ATXN2: variants seen among roughly 807,000 people sequenced by gnomAD.
The protein encoded by ATXN2 is ataxin-2.
Under a neutral mutation model 138.6 loss-of-function variants are expected in ATXN2, and 37 were observed. The observed-to-expected ratio is 0.27, with a 90% CI of 0.21 to 0.35. The LOEUF is 0.35. ATXN2 is among the 10% of genes least tolerant of loss of function. The pLI is 1.00. For missense variants in ATXN2, 1,216 were observed against 1,480.3 expected, an observed-to-expected ratio of 0.82 and a Z score of 2.93; for synonymous variants, 549 against 543.7, an observed-to-expected ratio of 1.01 and a Z score of -0.13.
At chr12:111,488,324 T>G in intron 15 of ATXN2, 152 bp downstream of exon 15, 1 of 708,994 alleles carries the variant, frequency 1.4e-6, no homozygotes, top group Non-Finnish European at 2.2e-6. Context: ...TAAGATGTCA[T>G]TTGTTTGGAC....
chr12:111,573,433 C>A (rs1000895227), intron 1 of ATXN2, among the ~76,000 whole-genome samples: 2 of 151,752 alleles, frequency 1.3e-5, no homozygotes, highest in Non-Finnish European at 2.9e-5. Context: ...TGACCTCAGG[C>A]GATCCACACG....
intron 18 of ATXN2, chr12:111,479,208 G>C (rs979642871): frequency 3.2e-6 from 1 of 310,712 alleles, no homozygotes; most frequent in Non-Finnish European, 5.8e-6. Context: ...ACTAGTAATG[G>C]GTAAATTAAC....
rs1229662110 is a variant in ATXN2, at chr12:111,455,931, C to T, written c.3270+98G>A. On this transcript the variant is annotated intron_variant, in intron 23 of 24. Coordinates refer to ENST00000673436, the MANE Select transcript of ATXN2 (RefSeq NM_001372574.1). ...AAAGGGAGACAGGCAAATGGCATGACACACAGGGTTTCCTAGCTGGGAGAG... is the reference window on the plus strand; with the variant it reads ...AAAGGGAGACAGGCAAATGGCATGATACACAGGGTTTCCTAGCTGGGAGAG... 6 of 1,154,826 alleles carry T rather than the reference C, an allele frequency of 5.2e-6. No homozygotes were observed. In the Admixed American group the frequency reaches 8.5e-5, roughly 16 times the overall value. 71.5% of individuals were successfully genotyped at this position (1,154,826 alleles called of 1,614,324 possible). A position where few individuals can be genotyped will look rare whatever the true frequency, so the allele number is the denominator to read the frequency against.
chr12:111,554,227 TAAA>T lies in ATXN2; in HGVS notation c.289-13_289-11del, dbSNP rs144235483. The stretch of plus-strand genomic sequence containing the variant: ...TTCCATCAAAAGAAATCTGGAATAT[TAAA>T]AAAAAAAAAAACTATTAGAAATTAG... On this transcript the variant is annotated splice_polypyrimidine_tract_variant and intron_variant, in intron 2 of 24. Transcript: ENST00000673436. 36 of 1,126,226 alleles carry T rather than the reference TAAA, an allele frequency of 3.2e-5. No individual in the cohort carries two copies. Among genetic ancestry groups the T allele is most frequent in the Admixed American group, 1.0e-4 (3 of 28,802 alleles). The allele number at this position is 1,126,226 out of a possible 1,614,324, so 69.8% of individuals were successfully genotyped here. A position where few individuals can be genotyped will look rare whatever the true frequency, so the allele number is the denominator to read the frequency against.
chr12:111,467,692 CTTTGT>C (rs1276049093), intron 20 of ATXN2, among the ~76,000 whole-genome samples: 4 of 152,128 alleles, frequency 2.6e-5, no homozygotes, highest in East Asian at 3.8e-4. Flanking sequence ...AGATCTAGTG[CTTTGT>C]TTTGTTTGCA....
At chr12:111,479,306 A>C (rs1170676029) in intron 18 of ATXN2, among the ~76,000 whole-genome samples, 1 of 149,746 alleles carries the variant, frequency 6.7e-6, no homozygotes, top group African/African-American at 2.5e-5. Context: ...TAATCCCAGC[A>C]CTTTGGGAGG....
At chr12:111,495,391 A>C (rs1204001146) in intron 14 of ATXN2, among the ~76,000 whole-genome samples, 1 of 152,102 alleles carries the variant, frequency 6.6e-6, no homozygotes, top group Non-Finnish European at 1.5e-5. Context: ...ACTAAAATTG[A>C]AGAGCTGGAA....
At chr12:111,541,346 C>CTTTTTTTTTTTTTTTTTTTTTTTTT (rs62932861) in intron 5 of ATXN2, among the ~76,000 whole-genome samples, 1 of 67,448 alleles carries the variant, frequency 1.5e-5, no homozygotes, top group African/African-American at 5.2e-5. Context: ...AGTTATAATT[C>CTTTTTTTTTTTTTTTTTTTTTTTTT]TTTTTTTTTT....
intron 18 of ATXN2, among the ~76,000 whole-genome samples, chr12:111,476,974 A>C (rs1403587889): frequency 6.6e-6 from 1 of 152,198 alleles, no homozygotes; most frequent in East Asian, 1.9e-4. Flanking sequence ...AATTGGCATA[A>C]GGATATATAC....
rs10560189 is a variant in ATXN2, at chr12:111,598,949, GGCTGCTGCTGCT to G, written c.74_85del (p.Gln25_Gln28del). Reference sequence around the variant, plus strand: ...GCGGACATTGGCAGCCGCGGGCGGCGGCTGCTGCTGCTGCTGCTGCTGCTGCTGTTGCTGCTG... The same window carrying G: ...GCGGACATTGGCAGCCGCGGGCGGCGGCTGCTGCTGCTGCTGTTGCTGCTG... On this transcript the variant is annotated inframe_deletion, in exon 1 of 25. Transcript: ENST00000673436. This position sits in a 1 kb window ranked among gnomAD's most constrained non-coding sequence, Gnocchi z 4.5. The G allele has an allele frequency of 4.6e-4, 654 of 1,412,050 alleles. 1 individual carries two copies. In the East Asian group the frequency reaches 0.014, roughly 31 times the overall value. 87.5% of individuals were successfully genotyped at this position (1,412,050 alleles called of 1,614,324 possible).
intron 18 of ATXN2, among the ~76,000 whole-genome samples, chr12:111,474,001 T>C (rs1876609471): frequency 6.6e-6 from 1 of 152,208 alleles, no homozygotes; most frequent in African/African-American, 2.4e-5. Context: ...TCCTGGCACC[T>C]TGGGAGTCAA....
chr12:111,500,970 T>A (rs762390121), intron 14 of ATXN2, among the ~76,000 whole-genome samples: 3 of 152,168 alleles, frequency 2.0e-5, no homozygotes, highest in Non-Finnish European at 2.9e-5. Context: ...ACAGTCAGCA[T>A]TAATTTGTTG....
At chr12:111,476,119 T>TTA (rs1876800240) in intron 18 of ATXN2, among the ~76,000 whole-genome samples, 1 of 152,134 alleles carries the variant, frequency 6.6e-6, no homozygotes, top group South Asian at 2.1e-4. Context: ...ACCCAGCAAA[T>TTA]TTTTAAATTG....
Position 111,460,881 on chromosome 12 carries a change from T to C in ATXN2, c.2897-3522A>G, listed in dbSNP as rs527642293. Among the ~76,000 whole-genome samples, 32 of 152,312 alleles carry C rather than the reference T, an allele frequency of 2.1e-4. No homozygotes were observed. The South Asian group carries it at 6.4e-3, about 31-fold the overall frequency. The stretch of plus-strand genomic sequence containing the variant: ...GACTATAATACGGTTTTCTAATCTA[T>C]AGCTAATTTGCATGCATAGCACAAA... On this transcript the variant is annotated intron_variant, in intron 21 of 24. Transcript: ENST00000673436.
intron 1 of ATXN2, among the ~76,000 whole-genome samples, chr12:111,583,766 CAAAAAAAA>C (rs748838859): frequency 2.6e-4 from 15 of 58,124 alleles, no homozygotes; most frequent in Non-Finnish European, 3.2e-4. Context: ...GACTCCGACT[CAAAAAAAA>C]AAAAAAAAAA....
In ATXN2 at chr12:111,539,522, T is replaced by C. The variant is rs1881375246; in HGVS notation, c.571+12758A>G. On this transcript the variant is annotated intron_variant, in intron 5 of 24. Transcript: ENST00000673436. ...CAGCACTTTGGGAGGCCGAGGCGGA[T>C]GGATCACGAGGTCAGGAGATTGAGA... is the stretch of plus-strand genomic sequence containing the variant. 2.0e-5 allele frequency among the ~76,000 whole-genome samples: 3 copies of C among 150,134 alleles called. No homozygotes were observed. The Admixed American group carries it at 2.0e-4, about 10-fold the overall frequency.
intron 1 of ATXN2, among the ~76,000 whole-genome samples, chr12:111,591,961 A>G (rs1476105362): frequency 1.3e-5 from 2 of 151,974 alleles, no homozygotes; most frequent in Admixed American, 1.3e-4. Flanking sequence ...AGGCACCTGT[A>G]ATCTCAGCTA....
intron 1 of ATXN2, among the ~76,000 whole-genome samples, chr12:111,594,836 A>C (rs1468220991): frequency 6.6e-6 from 1 of 152,206 alleles, no homozygotes; most frequent in Non-Finnish European, 1.5e-5. Context: ...ACAAAGCTTT[A>C]GAACAGTTCC....
At chr12:111,530,686 C>T (rs539360709) in intron 5 of ATXN2, among the ~76,000 whole-genome samples, 4 of 152,292 alleles carry the variant, frequency 2.6e-5, no homozygotes, top group South Asian at 4.1e-4. Context: ...TAGTGGCCGG[C>T]GCCTGTAATC....
Sources: allele counts gnomAD v4.1 joint callset (sites outside exome capture counted in the v4.1 genomes callset), GRCh38; gene constraint gnomAD v4.1.1; non-coding constraint Gnocchi (gnomAD v3.1); transcripts MANE v1.5; gene names NCBI Gene and HGNC (gene_info 2026-07-23, HGNC 2026-07-21).